The following MGMT variants were observed in gnomAD, a reference collection of about 807,000 sequenced individuals.
MGMT encodes the protein O-6-methylguanine-DNA methyltransferase.
Under a neutral mutation model 15.9 loss-of-function variants are expected in MGMT, and 14 were observed. The ratio of observed to expected loss-of-function variants is 0.88; its 90% CI spans 0.58 to 1.37. The LOEUF is 1.37. MGMT is among the 40% of genes most tolerant of loss of function. MGMT has a pLI of 0.00. For missense variants in MGMT, 282 were observed against 268.1 expected (o/e 1.05, Z -0.36); for synonymous variants, 130 against 118.2 (o/e 1.10, Z -0.65).
chr10:129,638,429 C>CAAAAAAA, intron 2 of MGMT, among the ~76,000 whole-genome samples: 2,174 of 61,464 alleles, frequency 0.035, 99 homozygotes, highest in Non-Finnish European at 0.052. Flanking sequence ...ACCAAAGAGG[C>CAAAAAAA]AAAAAAAAAA....
At chr10:129,761,196 C>T (rs890599114) in intron 4 of MGMT, among the ~76,000 whole-genome samples, 3 of 152,152 alleles carry the variant, frequency 2.0e-5, no homozygotes, top group African/African-American at 7.2e-5. Flanking sequence ...TGGGGGTGCT[C>T]TTCCTGCATC....
chr10:129,621,559 C>T (rs185916727), intron 2 of MGMT, among the ~76,000 whole-genome samples: 17 of 152,204 alleles, frequency 1.1e-4, no homozygotes, highest in Admixed American at 7.2e-4. Context: ...CAGGGACGCA[C>T]GAGTGGGTAG....
intron 2 of MGMT, among the ~76,000 whole-genome samples, chr10:129,567,376 C>G (rs72838505): frequency 0.022 from 3,394 of 152,266 alleles, 80 homozygotes; most frequent in Middle Eastern, 0.034. Flanking sequence ...AGCCAGTGGC[C>G]TTCTTGCCCA....
At chr10:129,717,442 C>CA (rs1848312572) in intron 3 of MGMT, among the ~76,000 whole-genome samples, 1 of 152,144 alleles carries the variant, frequency 6.6e-6, no homozygotes, top group South Asian at 2.1e-4. Flanking sequence ...AAAATAATAT[C>CA]AAAAAGATTA....
intron 3 of MGMT, among the ~76,000 whole-genome samples, chr10:129,748,317 C>T (rs1034141970): frequency 6.6e-6 from 1 of 152,070 alleles, no homozygotes; most frequent in Non-Finnish European, 1.5e-5. Context: ...CTGAGATTAT[C>T]CCAGTTTTGG....
At chr10:129,520,573 G>GGT (rs1205575243) in intron 1 of MGMT, among the ~76,000 whole-genome samples, 27 of 151,208 alleles carry the variant, frequency 1.8e-4, no homozygotes, top group South Asian at 8.4e-4. Context: ...GAGCCTCTAT[G>GGT]GTGCGGTGCA....
At chr10:129,645,459 G>A (rs1451770768) in intron 2 of MGMT, among the ~76,000 whole-genome samples, 1 of 152,150 alleles carries the variant, frequency 6.6e-6, no homozygotes, top group Non-Finnish European at 1.5e-5. Flanking sequence ...GCAGCCTTGG[G>A]GCCTCATCCA....
intron 1 of MGMT, among the ~76,000 whole-genome samples, chr10:129,501,210 C>T (rs552838281): frequency 6.6e-6 from 1 of 152,196 alleles, no homozygotes; most frequent in Non-Finnish European, 1.5e-5. Context: ...TGTCCATGTA[C>T]TCACTTGTTC....
intron 2 of MGMT, among the ~76,000 whole-genome samples, chr10:129,675,947 G>T (rs1014744719): frequency 6.6e-6 from 1 of 152,190 alleles, no homozygotes; most frequent in Non-Finnish European, 1.5e-5. Context: ...GCGCTGCTCA[G>T]TTGTGGCCTC....
chr10:129,630,703 A>C (rs141689458), intron 2 of MGMT, among the ~76,000 whole-genome samples: 3 of 152,346 alleles, frequency 2.0e-5, no homozygotes, highest in African/African-American at 4.8e-5. Flanking sequence ...CCGTCTCTCA[A>C]GGTGTTGTGA....
chr10:129,510,451 C>T (rs879471571), intron 1 of MGMT, among the ~76,000 whole-genome samples: 15 of 152,154 alleles, frequency 9.9e-5, no homozygotes, highest in South Asian at 2.1e-4. Context: ...ATGATAGGAA[C>T]CACGTGTCTT....
intron 2 of MGMT, among the ~76,000 whole-genome samples, chr10:129,672,555 G>A (rs898882929): frequency 5.9e-5 from 9 of 152,244 alleles, no homozygotes; most frequent in African/African-American, 1.9e-4. Context: ...GGGGTCCATT[G>A]TGTTGATTTC....
chr10:129,721,737 A>G (rs1848373830), intron 3 of MGMT, among the ~76,000 whole-genome samples: 1 of 152,088 alleles, frequency 6.6e-6, no homozygotes, highest in Non-Finnish European at 1.5e-5. Flanking sequence ...TAAAAATCCT[A>G]GAATACCAGT....
Position 129,532,794 on chromosome 10 carries a change from G to T in MGMT, c.-12-3447G>T, listed in dbSNP as rs76754088. 0.017 allele frequency among the ~76,000 whole-genome samples: 2,542 copies of T among 152,300 alleles called. 27 individuals carry two copies. The highest frequency in any genetic ancestry group is 0.028 in the Non-Finnish European group (1,915 of 68,022). On this transcript the variant is annotated intron_variant, in intron 1 of 4. Transcript: ENST00000651593. The surrounding 1 kb of genome is among the most constrained non-coding windows in gnomAD (Gnocchi z 5.3). Reference sequence around the variant, plus strand: ...CTCAGAGTGGCACTGTCAGGTAGAGGAGTCAGGGGTCTTATTGATGAGGAA... The same window carrying T: ...CTCAGAGTGGCACTGTCAGGTAGAGTAGTCAGGGGTCTTATTGATGAGGAA...
intron 2 of MGMT, among the ~76,000 whole-genome samples, chr10:129,586,239 T>C (rs762346672): frequency 2.0e-5 from 3 of 152,188 alleles, no homozygotes; most frequent in Non-Finnish European, 1.5e-5. Flanking sequence ...ATCTCACATA[T>C]ACAGTTTGAT....
intron 2 of MGMT, among the ~76,000 whole-genome samples, chr10:129,676,186 C>T (rs547829017): frequency 3.3e-5 from 5 of 152,348 alleles, no homozygotes; most frequent in South Asian, 2.1e-4. Flanking sequence ...GACTCACCCC[C>T]GCCTTTCCCC....
chr10:129,750,227 G>C (rs1364342600), intron 3 of MGMT, among the ~76,000 whole-genome samples: 1 of 152,054 alleles, frequency 6.6e-6, no homozygotes, highest in Non-Finnish European at 1.5e-5. Flanking sequence ...TATTCTGAAA[G>C]TTTATGATTT....
chr10:129,632,402 G>A (rs1033673558), intron 2 of MGMT, among the ~76,000 whole-genome samples: 10 of 152,134 alleles, frequency 6.6e-5, no homozygotes, highest in Admixed American at 5.9e-4. Flanking sequence ...GTAGTGATCC[G>A]GGTCACAAGG....
At chr10:129,722,564 A>C (rs1259204576) in intron 3 of MGMT, among the ~76,000 whole-genome samples, 1 of 152,236 alleles carries the variant, frequency 6.6e-6, no homozygotes, top group East Asian at 1.9e-4. Context: ...GACTTACATT[A>C]CCTGGTTTCA....
Sources: gnomAD v4.1 joint callset for allele counts (sites outside exome capture counted in the v4.1 genomes callset) on GRCh38, gnomAD v4.1.1 for gene constraint, Gnocchi (gnomAD v3.1) non-coding constraint, MANE v1.5 for transcripts, NCBI Gene and HGNC (gene_info 2026-07-23, HGNC 2026-07-21) for gene names.